Variants in NEURL1 observed in about 807,000 individuals in gnomAD.
The protein encoded by NEURL1 is E3 ubiquitin-protein ligase NEURL1.
Under a neutral mutation model 41.2 loss-of-function variants are expected in NEURL1, and 26 were observed. That is an observed-to-expected ratio of 0.63 (90% CI 0.46 to 0.87). NEURL1 has a LOEUF of 0.87. NEURL1 is among the 40% of genes least tolerant of loss of function. NEURL1 has a pLI of 0.00. For missense variants in NEURL1, 761 were observed against 871.1 expected, an observed-to-expected ratio of 0.87 and a Z score of 1.59; for synonymous variants, 400 against 402.3, an observed-to-expected ratio of 0.99 and a Z score of 0.07.
At position 103,501,630 on chromosome 10, in the gene NEURL1, A is replaced by ATTATTATTATTATTATTATTC. The variant is rs1273829180; in HGVS notation, c.85+7175_85+7176insATTCTTATTATTATTATTATT. Among the ~76,000 whole-genome samples the ATTATTATTATTATTATTATTC allele has an allele frequency of 1.1e-3, 170 of 148,190 alleles. 1 individual carries two copies. Among genetic ancestry groups the ATTATTATTATTATTATTATTC allele is most frequent in the African/African-American group, 3.9e-3 (157 of 40,536 alleles). On this transcript the variant is annotated intron_variant, in intron 1 of 5. Coordinates refer to ENST00000369780, the MANE Select transcript of NEURL1 (RefSeq NM_004210.5). ...TATTCCCACTTTATTTATTATTATT[A>ATTATTATTATTATTATTATTC]TTATTATTATTATTATTTTGAGACG...
intron 1 of NEURL1, among the ~76,000 whole-genome samples, chr10:103,546,611 A>G (rs892410232): frequency 7.9e-5 from 12 of 152,184 alleles, no homozygotes; most frequent in African/African-American, 2.9e-4. Flanking sequence ...AGTGTCCCCA[A>G]GCCTCAATGT....
At chr10:103,509,879 C>T (rs552679746) in intron 1 of NEURL1, among the ~76,000 whole-genome samples, 22 of 152,262 alleles carry the variant, frequency 1.4e-4, no homozygotes, top group African/African-American at 5.3e-4. Flanking sequence ...ATGAGGGTTC[C>T]ATTCCTGGAG....
At chr10:103,548,739 G>A (rs868690032) in intron 1 of NEURL1, among the ~76,000 whole-genome samples, 3 of 152,170 alleles carry the variant, frequency 2.0e-5, no homozygotes, top group East Asian at 1.9e-4. Flanking sequence ...ACTCTCAAGC[G>A]TTGCTGTTAT....
At chr10:103,513,314 C>A (rs922418863) in intron 1 of NEURL1, among the ~76,000 whole-genome samples, 6 of 152,246 alleles carry the variant, frequency 3.9e-5, no homozygotes, top group Non-Finnish European at 8.8e-5. Flanking sequence ...CTAACATAAA[C>A]CAGCCGGAAC....
chr10:103,535,981 G>T (rs1052351896), intron 1 of NEURL1, among the ~76,000 whole-genome samples: 2 of 152,238 alleles, frequency 1.3e-5, no homozygotes, highest in East Asian at 1.9e-4. Context: ...CTTTGGAGGA[G>T]CACTGCTGTG....
intron 1 of NEURL1, among the ~76,000 whole-genome samples, chr10:103,534,554 C>A (rs1459574244): frequency 6.6e-6 from 1 of 152,126 alleles, no homozygotes; most frequent in Non-Finnish European, 1.5e-5. Flanking sequence ...TGAGCACCCC[C>A]GTGGCCTAGG....
intron 1 of NEURL1, among the ~76,000 whole-genome samples, chr10:103,526,712 A>G (rs1338105050): frequency 2.0e-5 from 3 of 151,868 alleles, no homozygotes; most frequent in African/African-American, 4.8e-5. Flanking sequence ...GGGTTTCACC[A>G]TGTTGGTCAG....
intron 2 of NEURL1, 136 bp from the exon 3 acceptor site, chr10:103,571,365 C>A: frequency 1.9e-6 from 2 of 1,046,202 alleles, no homozygotes; most frequent in Non-Finnish European, 2.7e-6. Flanking sequence ...GCAGGGAGGG[C>A]TCCTGGGAGG....
At chr10:103,574,857 C>G (rs3781371) in intron 3 of NEURL1, among the ~76,000 whole-genome samples, 1 of 152,172 alleles carries the variant, frequency 6.6e-6, no homozygotes, top group Non-Finnish European at 1.5e-5. Context: ...TCTGCACACC[C>G]GATAAGGCTA....
chr10:103,515,318 A>T (rs2034179565), intron 1 of NEURL1: 1 of 152,038 alleles, frequency 6.6e-6, no homozygotes, highest in Non-Finnish European at 1.5e-5. Context: ...CACATCCTTT[A>T]AAATAACTTC....
At chr10:103,531,625 T>C (rs1181644514) in intron 1 of NEURL1, among the ~76,000 whole-genome samples, 1 of 151,958 alleles carries the variant, frequency 6.6e-6, no homozygotes, top group Non-Finnish European at 1.5e-5. Flanking sequence ...CTCAAACTCC[T>C]TGGGCTCAAG....
chr10:103,574,054 G>A (rs925608848), intron 3 of NEURL1, among the ~76,000 whole-genome samples: 1 of 152,218 alleles, frequency 6.6e-6, no homozygotes, highest in African/African-American at 2.4e-5. Context: ...GACCTGCAGA[G>A]GACGTGGAGG....
Position 103,558,866 on chromosome 10 carries a change from A to C in NEURL1, c.86-12006A>C. ...AGGGCAAGGAAGGGACCCCTTGCTG[A>C]CGGCTGATGTGTGGGTGACACACGC... On this transcript the variant is annotated intron_variant, in intron 1 of 5. Transcript: ENST00000369780. The surrounding 1 kb of genome is among the most constrained non-coding windows in gnomAD (Gnocchi z 4.2). Among the ~76,000 whole-genome samples the C allele has an allele frequency of 6.6e-6, 1 of 151,746 alleles. No homozygotes were observed. The highest frequency in any genetic ancestry group is 1.5e-5 in the Non-Finnish European group (1 of 67,918).
intron 1 of NEURL1, among the ~76,000 whole-genome samples, chr10:103,533,818 G>A (rs1022351214): frequency 6.6e-6 from 1 of 152,080 alleles, no homozygotes; most frequent in African/African-American, 2.4e-5. Context: ...TTACAGGCTT[G>A]AGCCACCGCT....
Position 103,589,673 on chromosome 10 carries a change from G to A in NEURL1, c.1486+13G>A, listed in dbSNP as rs762495794. On this transcript the variant is annotated intron_variant, in intron 5 of 5. Coordinates refer to ENST00000369780, the MANE Select transcript of NEURL1 (RefSeq NM_004210.5). ...AGCTCTGCTGGTGGTAAGTAGGCTG[G>A]CTCCTCTGTTCCTTGGTGACCATGT... 6.2e-7 allele frequency: 1 copy of A among 1,603,300 alleles called. No homozygotes were observed. The highest frequency in any genetic ancestry group is 8.5e-7 in the Non-Finnish European group (1 of 1,173,468).
At chr10:103,578,578 G>C (rs1448485116) in intron 3 of NEURL1, among the ~76,000 whole-genome samples, 2 of 152,162 alleles carry the variant, frequency 1.3e-5, no homozygotes, top group Non-Finnish European at 2.9e-5. Context: ...GGATTCCACT[G>C]CTTTTTAAAA....
chr10:103,551,847 G>A (rs1315607868), intron 1 of NEURL1, among the ~76,000 whole-genome samples: 1 of 152,180 alleles, frequency 6.6e-6, no homozygotes, highest in East Asian at 1.9e-4. Context: ...AGGCCTGGGG[G>A]CCACTCGGGC....
chr10:103,576,750 A>C (rs1156681624), intron 3 of NEURL1, among the ~76,000 whole-genome samples: 1 of 152,014 alleles, frequency 6.6e-6, no homozygotes, highest in East Asian at 1.9e-4. Context: ...GGGCTTATGC[A>C]TTCTATTCCA....
At chr10:103,550,322 G>A (rs2035009246) in intron 1 of NEURL1, among the ~76,000 whole-genome samples, 1 of 152,160 alleles carries the variant, frequency 6.6e-6, no homozygotes, top group Non-Finnish European at 1.5e-5. Flanking sequence ...TAGTGGGGAG[G>A]GCCTTGGGAG....
Sources: gnomAD v4.1 joint callset for allele counts (sites outside exome capture counted in the v4.1 genomes callset) on GRCh38, gnomAD v4.1.1 for gene constraint, Gnocchi (gnomAD v3.1) non-coding constraint, MANE v1.5 for transcripts, NCBI Gene and HGNC (gene_info 2026-07-23, HGNC 2026-07-21) for gene names.